Variants in ASIC1 observed in about 807,000 individuals in gnomAD.
ASIC1 encodes the protein acid-sensing ion channel 1.
ASIC1 carries 21 observed loss-of-function variants against 63.4 expected under a neutral mutation model. That is an observed-to-expected ratio of 0.33 (90% CI 0.23 to 0.48). ASIC1 has a LOEUF of 0.48. Among genes scored for constraint, ASIC1 ranks in the 20% least tolerant of loss-of-function variants. The probability of loss-of-function intolerance (pLI) is 0.99; values close to 1 mark genes in which losing one functional copy is unlikely to be tolerated. For missense variants in ASIC1, 478 were observed against 695.5 expected (o/e 0.69, Z 3.52); for synonymous variants, 258 against 278.2 (o/e 0.93, Z 0.72).
intron 4 of ASIC1, 37 bp downstream of exon 4, chr12:50,077,400 C>T (rs759202719): frequency 6.2e-7 from 1 of 1,612,400 alleles, no homozygotes; most frequent in Non-Finnish European, 8.5e-7. Context: ...CTGCATGGCT[C>T]TAGGCCCCAG....
Position 50,075,254 on chromosome 12 carries a change from G to A in ASIC1, c.559-1959G>A, listed in dbSNP as rs142352602. Among the ~76,000 whole-genome samples the A allele has an allele frequency of 2.0e-3, 307 of 152,266 alleles. 2 individuals carry two copies. The highest frequency in any genetic ancestry group is 6.9e-3 in the African/African-American group (286 of 41,554). Reference sequence around the variant, plus strand: ...CATGGGATGACTGCAGGCATACAGGGGCCTGGGGGTTTGGGCCACTGGGCC... The same window carrying A: ...CATGGGATGACTGCAGGCATACAGGAGCCTGGGGGTTTGGGCCACTGGGCC... On this transcript the variant is annotated intron_variant, in intron 3 of 11. Transcript: ENST00000447966.
At position 50,074,989 on chromosome 12, in the gene ASIC1, C is replaced by G. The variant is rs1011492903; in HGVS notation, c.559-2224C>G. Among the ~76,000 whole-genome samples the G allele has an allele frequency of 2.0e-5, 3 of 151,930 alleles. No individual in the cohort carries two copies. The highest frequency in any genetic ancestry group is 4.4e-5 in the Non-Finnish European group (3 of 67,968). On this transcript the variant is annotated intron_variant, in intron 3 of 11. Transcript: ENST00000447966. This position sits in a 1 kb window ranked among gnomAD's most constrained non-coding sequence, Gnocchi z 4.2. ...AGGGACCCTCTTCCTAGGGGAAGCT[C>G]TCACTGGGAACTGTCCTTCTGCTTG...
intron 3 of ASIC1, among the ~76,000 whole-genome samples, chr12:50,072,159 T>G (rs1426294301): frequency 6.6e-6 from 1 of 151,928 alleles, no homozygotes; most frequent in Non-Finnish European, 1.5e-5. Flanking sequence ...GGGAAGATGG[T>G]GGGAGCAGGG....
At chr12:50,075,411 A>C (rs368402945) in intron 3 of ASIC1, among the ~76,000 whole-genome samples, 2 of 152,328 alleles carry the variant, frequency 1.3e-5, no homozygotes, top group East Asian at 3.9e-4. Flanking sequence ...GGCGCAAGAC[A>C]GGGCTGCTAG....
intron 3 of ASIC1, chr12:50,073,681 C>T (rs1480801536): frequency 5.2e-6 from 8 of 1,536,478 alleles, no homozygotes; most frequent in Admixed American, 2.0e-5. Context: ...CCATCAGCAG[C>T]AGCAGGACAT....
chr12:50,059,005 T>C lies in ASIC1; in HGVS notation c.239T>C (p.Val80Ala). The change falls in exon 2 of 12, where the codon GTG becomes GCG. Residue 80 changes from valine (V) to alanine (A), a missense_variant. Physicochemically the swap from Val to Ala is moderately conservative, Grantham distance 64. Around this residue, in one of 3 missense-constraint regions of ASIC1, gnomAD observed 290 missense variants for 414.9 expected, o/e 0.70. Coordinates refer to ENST00000447966, the MANE Select transcript of ASIC1 (RefSeq NM_001095.4). The surrounding 1 kb of genome is among the most constrained non-coding windows in gnomAD (Gnocchi z 4.6). ...CACCATGTCACCAAGCTCGACGAGGTGGCTGCCTCTCAGCTTACCTTCCCT... is the reference window on the plus strand; with the variant it reads ...CACCATGTCACCAAGCTCGACGAGGCGGCTGCCTCTCAGCTTACCTTCCCT... The part of the protein sequence containing the change: ...HYHHVTKLDE[V>A]AASQLTFPAV... The C allele has an allele frequency of 6.2e-7, 1 of 1,614,162 alleles. No homozygotes were observed.
intron 3 of ASIC1, among the ~76,000 whole-genome samples, chr12:50,065,860 G>C (rs1950540510): frequency 6.6e-6 from 1 of 152,238 alleles, no homozygotes; most frequent in Non-Finnish European, 1.5e-5. Context: ...GCCAGGCTGA[G>C]AACATCCCTG....
chr12:50,073,445 G>T, intron 3 of ASIC1: 2 of 1,413,526 alleles, frequency 1.4e-6, no homozygotes, highest in Non-Finnish European at 1.8e-6. Context: ...GAGGAAGGAC[G>T]GCCAGCTGGG....
chr12:50,076,980 G>A (rs1360710478), intron 3 of ASIC1: 1 of 686,834 alleles, frequency 1.5e-6, no homozygotes, highest in African/African-American at 1.8e-5. Context: ...GCCCATGCAG[G>A]TGGCAAAGGA....
In ASIC1 at chr12:50,074,721, G is replaced by A. The variant is rs1371507093; in HGVS notation, c.559-2492G>A. ...GGTGGTACAAGAGAAGGGAGTGAAAGGGTGACAGTAGAGGGGTGGGGATAT... is the reference window on the plus strand; with the variant it reads ...GGTGGTACAAGAGAAGGGAGTGAAAAGGTGACAGTAGAGGGGTGGGGATAT... On this transcript the variant is annotated intron_variant, in intron 3 of 11. Coordinates refer to ENST00000447966, the MANE Select transcript of ASIC1 (RefSeq NM_001095.4). This position sits in a 1 kb window ranked among gnomAD's most constrained non-coding sequence, Gnocchi z 4.2. Among the ~76,000 whole-genome samples, 1 of 152,108 alleles carries A rather than the reference G, an allele frequency of 6.6e-6. No homozygotes were observed. Among genetic ancestry groups the A allele is most frequent in the Non-Finnish European group, 1.5e-5 (1 of 68,014 alleles).
intron 3 of ASIC1, among the ~76,000 whole-genome samples, chr12:50,063,202 G>C (rs1169851293): frequency 1.3e-5 from 2 of 152,186 alleles, no homozygotes; most frequent in African/African-American, 4.8e-5. Flanking sequence ...TTCCATGGAG[G>C]GGGGCTGGGG....
At chr12:50,080,329 T>C (rs1315386239) in intron 8 of ASIC1, 169 bp from the exon 9 acceptor site, 2 of 789,330 alleles carry the variant, frequency 2.5e-6, no homozygotes, top group African/African-American at 3.5e-5. Flanking sequence ...AGAACATTTT[T>C]TCATATATGC....
chr12:50,073,428 C>A, intron 3 of ASIC1: 2 of 1,391,744 alleles, frequency 1.4e-6, no homozygotes, highest in Middle Eastern at 2.2e-4. Flanking sequence ...GCCACAGAGG[C>A]CCTGGTGAGG....
intron 3 of ASIC1, among the ~76,000 whole-genome samples, chr12:50,067,312 G>T (rs919164815): frequency 5.9e-5 from 9 of 151,834 alleles, no homozygotes; most frequent in Admixed American, 5.9e-4. Context: ...TAAGGCCAGT[G>T]GTCACCTTCA....
intron 3 of ASIC1, among the ~76,000 whole-genome samples, chr12:50,062,501 G>T (rs952209652): frequency 3.3e-5 from 5 of 152,314 alleles, no homozygotes; most frequent in African/African-American, 1.2e-4. Flanking sequence ...TGTGGTTAGG[G>T]CTTTGCTTGC....
intron 1 of ASIC1, 56 bp from the exon 2 acceptor site, chr12:50,058,695 T>G (rs1950470091): frequency 2.0e-6 from 3 of 1,518,460 alleles, no homozygotes; most frequent in Non-Finnish European, 2.6e-6. Flanking sequence ...GTGGAGGGGC[T>G]CCATGTGTAC....
In ASIC1 at chr12:50,081,579, G is replaced by C; in HGVS notation, c.1517G>C (p.Gly506Ala). The C allele has an allele frequency of 1.2e-6, 2 of 1,614,138 alleles. No individual in the cohort carries two copies. The highest frequency in any genetic ancestry group is 1.7e-6 in the Non-Finnish European group (2 of 1,180,016). ...PCESLRGHPAGMTYAANILPH... is the reference protein window; with the variant it reads ...PCESLRGHPAAMTYAANILPH... ...GAGAGCCTTCGGGGCCACCCTGCCG[G>C]GATGACATACGCTGCCAACATCCTA... is the stretch of plus-strand genomic sequence containing the variant. The change falls in exon 12 of 12, where the codon GGG becomes GCG. Residue 506 changes from glycine (G) to alanine (A), a missense_variant. By Grantham distance (60) the Gly-to-Ala change is moderately conservative. This residue lies in a region of ASIC1 where 104 missense variants were observed against 97.0 expected (regional missense o/e 1.07). Coordinates refer to ENST00000447966, the MANE Select transcript of ASIC1 (RefSeq NM_001095.4).
Position 50,074,311 on chromosome 12 carries a change from C to T in ASIC1, c.559-2902C>T, listed in dbSNP as rs1375973240. 5 of 1,432,630 alleles carry T rather than the reference C, an allele frequency of 3.5e-6. No individual in the cohort carries two copies. The Admixed American group carries it at 1.1e-4, about 33-fold the overall frequency. The allele number at this position is 1,432,630 out of a possible 1,614,324, so 88.7% of individuals were successfully genotyped here. A position where few individuals can be genotyped will look rare whatever the true frequency, so the allele number is the denominator to read the frequency against. ...CTGCCATGGCTGTCCCTGACTGTCACCTCCTGGGGTTGGGGCTGGGGCTGG... is the reference window on the plus strand; with the variant it reads ...CTGCCATGGCTGTCCCTGACTGTCATCTCCTGGGGTTGGGGCTGGGGCTGG... On this transcript the variant is annotated intron_variant, in intron 3 of 11. Transcript: ENST00000447966. The surrounding 1 kb of genome is among the most constrained non-coding windows in gnomAD (Gnocchi z 4.2).
chr12:50,063,393 C>A (rs567497758), intron 3 of ASIC1, among the ~76,000 whole-genome samples: 1 of 152,204 alleles, frequency 6.6e-6, no homozygotes, highest in Non-Finnish European at 1.5e-5. Context: ...CTATGCCACC[C>A]CCTCCTCCGC....
Sources: allele counts gnomAD v4.1 joint callset (sites outside exome capture counted in the v4.1 genomes callset), GRCh38; gene constraint gnomAD v4.1.1; regional missense constraint gnomAD v4.1.1; non-coding constraint Gnocchi (gnomAD v3.1); transcripts MANE v1.5; gene names NCBI Gene and HGNC (gene_info 2026-07-23, HGNC 2026-07-21).